Variants in TTC39C observed in about 807,000 individuals in gnomAD.
The protein encoded by TTC39C is tetratricopeptide repeat protein 39C.
In TTC39C, 33 loss-of-function variants were observed where a neutral mutation model predicts 76.3. The ratio of observed to expected loss-of-function variants is 0.43; its 90% CI spans 0.33 to 0.58. The LOEUF is 0.58. TTC39C is among the 20% of genes least tolerant of loss of function. The pLI, the probability that TTC39C is intolerant of heterozygous loss-of-function variation, is 0.04. For synonymous variants in TTC39C, 254 were observed against 260.6 expected, an observed-to-expected ratio of 0.97 and a Z score of 0.24; for missense variants, 595 against 701.4, an observed-to-expected ratio of 0.85 and a Z score of 1.71.
Position 24,104,721 on chromosome 18 carries a change from T to TGTGTGTGTGTGA in TTC39C, c.985-9832_985-9831insTGTGTGTGTGAG, listed in dbSNP as rs1352635739. Among the ~76,000 whole-genome samples the TGTGTGTGTGTGA allele has an allele frequency of 2.2e-3, 334 of 150,604 alleles. 3 individuals are homozygous for TGTGTGTGTGTGA. The highest frequency in any genetic ancestry group is 7.9e-3 in the African/African-American group (323 of 40,706). ...GTGTGTGTGTGTGTGTGTGTGTGTGTGACTGTGCATGTGTGTGTGTGTGAT... is the reference window on the plus strand; with the variant it reads ...GTGTGTGTGTGTGTGTGTGTGTGTGTGTGTGTGTGTGAGACTGTGCATGTGTGTGTGTGTGAT... On this transcript the variant is annotated intron_variant, in intron 6 of 13. Coordinates refer to ENST00000317571, the MANE Select transcript of TTC39C (RefSeq NM_001135993.2).
intron 1 of TTC39C, chr18:24,020,393 T>A: frequency 1.3e-6 from 1 of 789,818 alleles, no homozygotes; most frequent in Non-Finnish European, 1.5e-6. Context: ...TAAGTCTCTG[T>A]AAGTGTGTAC....
At chr18:24,130,225 C>T in intron 11 of TTC39C, 88 bp from the exon 12 acceptor site, 1 of 584,478 alleles carries the variant, frequency 1.7e-6, no homozygotes, top group Non-Finnish European at 3.0e-6. Context: ...AGTATGAGTC[C>T]CCCTTCCCGC....
intron 1 of TTC39C, among the ~76,000 whole-genome samples, chr18:24,002,607 T>TG (rs542734851): frequency 2.0e-5 from 3 of 152,126 alleles, no homozygotes; most frequent in African/African-American, 7.2e-5. Flanking sequence ...TTCTAATGCT[T>TG]GGGGGGTGCT....
intron 6 of TTC39C, chr18:24,113,945 T>C (rs2084854168): frequency 2.2e-6 from 1 of 459,766 alleles, no homozygotes; most frequent in Non-Finnish European, 4.0e-6. Context: ...GGAGATTTGA[T>C]GAGCAGAAGC....
intron 6 of TTC39C, among the ~76,000 whole-genome samples, chr18:24,098,513 CTCCCCTCCCG>C (rs1332683817): frequency 2.9e-5 from 2 of 70,050 alleles, no homozygotes; most frequent in African/African-American, 1.4e-4. Flanking sequence ...CTCCTCTCCC[CTCCCCTCCCG>C]TCCCCTCCCC....
intron 4 of TTC39C, among the ~76,000 whole-genome samples, chr18:24,071,076 C>A (rs1425079874): frequency 6.6e-6 from 1 of 151,944 alleles, no homozygotes; most frequent in Non-Finnish European, 1.5e-5. Context: ...TTACAGGCGC[C>A]CACCACCACG....
chr18:24,018,222 GTT>G (rs1468587650), intron 1 of TTC39C, among the ~76,000 whole-genome samples: 1 of 152,186 alleles, frequency 6.6e-6, no homozygotes, highest in South Asian at 2.1e-4. Flanking sequence ...ACTTTGAGGT[GTT>G]TTCCCAAAGG....
rs1568446598 is a variant in TTC39C at position 24,123,899 on chromosome 18, T to C, written c.1252T>C (p.Phe418Leu). The C allele has an allele frequency of 1.1e-5, 18 of 1,613,360 alleles. No individual in the cohort carries two copies. Among genetic ancestry groups the C allele is most frequent in the Non-Finnish European group, 1.4e-5 (17 of 1,179,782 alleles). ...QIVFKEVQKL[F>L]KRKNNQIEQF... ...TGTCTTTAAAGAAGTTCAGAAACTCTTCAAAAGGAAAAACAATCAGATTGA... is the reference window on the plus strand; with the variant it reads ...TGTCTTTAAAGAAGTTCAGAAACTCCTCAAAAGGAAAAACAATCAGATTGA... Residue 418 changes from phenylalanine to leucine, a missense_variant, in exon 9 of 14, where the codon TTC becomes CTC. Coordinates refer to ENST00000317571, the MANE Select transcript of TTC39C (RefSeq NM_001135993.2).
In TTC39C at chr18:24,075,158, G is replaced by A. The variant is rs112607044; in HGVS notation, c.461-5427G>A. On this transcript the variant is annotated intron_variant, in intron 4 of 13. Coordinates refer to ENST00000317571, the MANE Select transcript of TTC39C (RefSeq NM_001135993.2). The stretch of plus-strand genomic sequence containing the variant: ...CACACCGGGGCCTGTCGTGGGGTGG[G>A]GGGAGTGGGGAGGGTTGGCATTAAG... Among the ~76,000 whole-genome samples, 5 of 152,144 alleles carry A rather than the reference G, an allele frequency of 3.3e-5. No individual in the cohort carries two copies. The South Asian group carries it at 1.0e-3, about 32-fold the overall frequency.
intron 1 of TTC39C, among the ~76,000 whole-genome samples, chr18:24,003,528 G>C (rs866199827): frequency 6.6e-6 from 1 of 152,236 alleles, no homozygotes; most frequent in South Asian, 2.1e-4. Context: ...CTTGTCGTAG[G>C]TCAAATATGA....
At chr18:24,051,714 A>G (rs971947654) in intron 1 of TTC39C, among the ~76,000 whole-genome samples, 5 of 152,226 alleles carry the variant, frequency 3.3e-5, no homozygotes, top group South Asian at 2.1e-4. Flanking sequence ...CCCCACAGCT[A>G]TCTTCTGGTA....
At chr18:24,052,541 TA>T (rs11331260) in intron 1 of TTC39C, among the ~76,000 whole-genome samples, 93,464 of 151,706 alleles carry the variant, frequency 0.62, 30,413 homozygotes, top group Middle Eastern at 0.75. Context: ...TATCTTGCTT[TA>T]AAAAAAAAAT....
At chr18:24,047,043 G>A (rs1307761849) in intron 1 of TTC39C, among the ~76,000 whole-genome samples, 1 of 151,742 alleles carries the variant, frequency 6.6e-6, no homozygotes, top group Non-Finnish European at 1.5e-5. Context: ...CAGAACTTTA[G>A]TACAGTTTGC....
chr18:24,031,200 C>T (rs988745624), intron 1 of TTC39C, among the ~76,000 whole-genome samples: 17 of 148,774 alleles, frequency 1.1e-4, no homozygotes, highest in Admixed American at 9.3e-4. Flanking sequence ...GCAAGTGATC[C>T]GGCTGCCTTG....
chr18:24,089,222 G>A (rs908652749), intron 6 of TTC39C, among the ~76,000 whole-genome samples: 2 of 152,224 alleles, frequency 1.3e-5, no homozygotes, highest in Non-Finnish European at 2.9e-5. Flanking sequence ...GACATTATCA[G>A]AGCTGTTTGG....
chr18:24,036,211 T>C (rs1177458582), intron 1 of TTC39C, among the ~76,000 whole-genome samples: 1 of 152,214 alleles, frequency 6.6e-6, no homozygotes, highest in Non-Finnish European at 1.5e-5. Flanking sequence ...CTATTTGGGG[T>C]CCCTTGAGAT....
At chr18:24,031,341 G>A (rs2083668313) in intron 1 of TTC39C, among the ~76,000 whole-genome samples, 1 of 152,198 alleles carries the variant, frequency 6.6e-6, no homozygotes, top group Admixed American at 6.5e-5. Context: ...GTGAGTGGAA[G>A]ATATGCTCCC....
chr18:24,053,953 A>G (rs1489055359), intron 1 of TTC39C, among the ~76,000 whole-genome samples: 1 of 152,174 alleles, frequency 6.6e-6, no homozygotes, highest in Non-Finnish European at 1.5e-5. Flanking sequence ...GGAAAAAACA[A>G]CTTTTTAAAT....
intron 5 of TTC39C, among the ~76,000 whole-genome samples, chr18:24,081,342 A>G (rs2084373160): frequency 6.6e-6 from 1 of 152,138 alleles, no homozygotes; most frequent in Admixed American, 6.5e-5. Flanking sequence ...ATTTTCCTTG[A>G]TGATTCAAGG....
Sources: allele counts gnomAD v4.1 joint callset (sites outside exome capture counted in the v4.1 genomes callset), GRCh38; gene constraint gnomAD v4.1.1; transcripts MANE v1.5; gene names NCBI Gene and HGNC (gene_info 2026-07-23, HGNC 2026-07-21).